The following SCHIP1 variants were observed in gnomAD, a reference collection of about 807,000 sequenced individuals.
SCHIP1 encodes the protein schwannomin interacting protein 1.
Under a neutral mutation model 29.7 loss-of-function variants are expected in SCHIP1, and 8 were observed. That is an observed-to-expected ratio of 0.27 (90% confidence interval 0.16 to 0.49). The LOEUF is 0.49. Ranked by LOEUF, SCHIP1 falls within the 20% of genes least tolerant of loss-of-function variation. SCHIP1 has a pLI of 0.99. For missense variants in SCHIP1, 193 were observed against 294.6 expected (o/e 0.66, Z 2.52); for synonymous variants, 76 against 94.9 (o/e 0.80, Z 1.16).
At chr3:159,775,727 G>A in the SCHIP1 span, among the ~76,000 whole-genome samples, 10 of 152,318 alleles carry the variant, frequency 6.6e-5, no homozygotes, top group Middle Eastern at 3.4e-3. Context: ...GGTTGTAGGC[G>A]TGCCTGGAAC....
At chr3:159,416,605 A>T in the SCHIP1 span, among the ~76,000 whole-genome samples, 1 of 152,182 alleles carries the variant, frequency 6.6e-6, no homozygotes, top group South Asian at 2.1e-4. Context: ...ATTTAATTGG[A>T]TTTTTTCCAC....
the SCHIP1 span, among the ~76,000 whole-genome samples, chr3:159,592,346 T>A: frequency 2.6e-5 from 4 of 152,132 alleles, no homozygotes; most frequent in African/African-American, 9.7e-5. Flanking sequence ...TTTCCCCACT[T>A]CCTATTCAAA....
chr3:159,631,826 T>C, the SCHIP1 span, among the ~76,000 whole-genome samples: 1 of 152,168 alleles, frequency 6.6e-6, no homozygotes, highest in African/African-American at 2.4e-5. Context: ...AAATTTTATA[T>C]TTTACCACAA....
chr3:159,563,165 G>T, the SCHIP1 span, among the ~76,000 whole-genome samples: 1 of 152,130 alleles, frequency 6.6e-6, no homozygotes, highest in Non-Finnish European at 1.5e-5. Flanking sequence ...GCAAGTTGGA[G>T]TTGGGAAGCA....
chr3:159,848,036 T>G (rs1347692137), intron 1 of SCHIP1, among the ~76,000 whole-genome samples: 2 of 152,172 alleles, frequency 1.3e-5, no homozygotes, highest in Non-Finnish European at 2.9e-5. Flanking sequence ...CTTTTGACAG[T>G]GCATAAGTGA....
the SCHIP1 span, among the ~76,000 whole-genome samples, chr3:159,769,879 C>T: frequency 6.6e-6 from 1 of 152,210 alleles, no homozygotes; most frequent in South Asian, 2.1e-4. Flanking sequence ...TGTTTTGACA[C>T]ACCTGTGAAA....
the SCHIP1 span, among the ~76,000 whole-genome samples, chr3:159,718,305 C>T: frequency 9.9e-5 from 15 of 152,074 alleles, no homozygotes; most frequent in Non-Finnish European, 2.1e-4. Flanking sequence ...GGAAGCATTC[C>T]CTTTGAAAAC....
the SCHIP1 span, among the ~76,000 whole-genome samples, chr3:159,603,061 C>G: frequency 6.6e-6 from 1 of 152,188 alleles, no homozygotes; most frequent in African/African-American, 2.4e-5. Flanking sequence ...GGCTGTAAAT[C>G]AGAGTCCTTA....
At chr3:159,691,762 G>T in the SCHIP1 span, among the ~76,000 whole-genome samples, 5 of 152,050 alleles carry the variant, frequency 3.3e-5, no homozygotes, top group Admixed American at 3.3e-4. Flanking sequence ...CATATTTACT[G>T]CTTCCTTCAT....
At chr3:159,735,816 A>G in the SCHIP1 span, among the ~76,000 whole-genome samples, 2 of 152,200 alleles carry the variant, frequency 1.3e-5, no homozygotes, top group Non-Finnish European at 2.9e-5. Flanking sequence ...GGTCACACAC[A>G]TAGCCCATCT....
At chr3:159,378,644 G>C in the SCHIP1 span, among the ~76,000 whole-genome samples, 1 of 152,064 alleles carries the variant, frequency 6.6e-6, no homozygotes, top group South Asian at 2.1e-4. Flanking sequence ...TGAACTCCCG[G>C]TATAGCACTC....
At chr3:159,564,824 T>C in the SCHIP1 span, among the ~76,000 whole-genome samples, 1 of 152,254 alleles carries the variant, frequency 6.6e-6, no homozygotes, top group Non-Finnish European at 1.5e-5. Context: ...TGCTGTGTAA[T>C]ATCCCATTGA....
the SCHIP1 span, among the ~76,000 whole-genome samples, chr3:159,644,682 T>C: frequency 1.3e-5 from 2 of 152,168 alleles, no homozygotes; most frequent in African/African-American, 4.8e-5. Flanking sequence ...TATTGAATAA[T>C]GCCCATTAAA....
chr3:159,429,985 T>C, the SCHIP1 span, among the ~76,000 whole-genome samples: 1 of 152,214 alleles, frequency 6.6e-6, no homozygotes, highest in African/African-American at 2.4e-5. Flanking sequence ...TAAATGTTTC[T>C]GAACATGGGA....
At chr3:159,803,095 G>A in the SCHIP1 span, among the ~76,000 whole-genome samples, 6 of 152,156 alleles carry the variant, frequency 3.9e-5, no homozygotes, top group African/African-American at 1.2e-4. Flanking sequence ...TCACATGGTT[G>A]TGACCTCACA....
At chr3:159,624,704 A>G in the SCHIP1 span, among the ~76,000 whole-genome samples, 2 of 152,078 alleles carry the variant, frequency 1.3e-5, no homozygotes, top group African/African-American at 4.8e-5. Flanking sequence ...ATAATAGCTA[A>G]ATTTGGGCTA....
chr3:159,347,594 T>C, the SCHIP1 span, among the ~76,000 whole-genome samples: 1 of 152,224 alleles, frequency 6.6e-6, no homozygotes, highest in Non-Finnish European at 1.5e-5. Flanking sequence ...GAACATTCTA[T>C]GGTCTGAATA....
the SCHIP1 span, among the ~76,000 whole-genome samples, chr3:159,293,110 T>A: frequency 6.6e-6 from 1 of 152,252 alleles, no homozygotes; most frequent in East Asian, 1.9e-4. Flanking sequence ...GGTCACATGA[T>A]AACCAATAAT....
the SCHIP1 span, among the ~76,000 whole-genome samples, chr3:159,354,243 A>G: frequency 6.6e-6 from 1 of 152,206 alleles, no homozygotes; most frequent in Non-Finnish European, 1.5e-5. Flanking sequence ...AAAATGCACA[A>G]TGGAAATGGC....
Sources: gnomAD v4.1 joint callset for allele counts (sites outside exome capture counted in the v4.1 genomes callset) on GRCh38, gnomAD v4.1.1 for gene constraint, MANE v1.5 for transcripts, NCBI Gene and HGNC (gene_info 2026-07-23, HGNC 2026-07-21) for gene names.